The following DPRX variants were observed in gnomAD, a reference collection of about 807,000 sequenced individuals.
The protein encoded by DPRX is divergent paired-related homeobox.
Under a neutral mutation model 8.4 loss-of-function variants are expected in DPRX, and 11 were observed. The observed-to-expected ratio is 1.31, with a 90% CI of 0.82 to 2.17. DPRX has a LOEUF of 2.17. DPRX is among the 30% of genes most tolerant of loss of function. The pLI is 0.00. For missense variants in DPRX, 211 were observed against 236.7 expected, an observed-to-expected ratio of 0.89 and a Z score of 0.71; for synonymous variants, 72 against 87.0, an observed-to-expected ratio of 0.83 and a Z score of 0.96.
chr19:53,621,799 G>A, the DPRX span, among the ~76,000 whole-genome samples: 95 of 152,038 alleles, frequency 6.2e-4, 1 homozygote, highest in Middle Eastern at 3.4e-3. Context: ...AAAACAAAAG[G>A]CAATCTTTCC....
chr19:53,608,972 AAAGG>A, the DPRX span, among the ~76,000 whole-genome samples: 20,520 of 112,340 alleles, frequency 0.18, 2,051 homozygotes, highest in African/African-American at 0.22. Context: ...AAAAAAAAAA[AAAGG>A]AAAGAAAAGA....
chr19:53,633,277 G>A (rs1211541048), intron 1 of DPRX, among the ~76,000 whole-genome samples: 1 of 152,208 alleles, frequency 6.6e-6, no homozygotes, highest in Admixed American at 6.5e-5. Flanking sequence ...GCAGTACACT[G>A]TCTCAAGAAA....
chr19:53,616,971 G>T, the DPRX span: 5 of 1,197,104 alleles, frequency 4.2e-6, no homozygotes, highest in Admixed American at 6.8e-5. Context: ...CGGTTGAACC[G>T]CCAGGTGTTG....
intron 2 of DPRX, 152 bp downstream of exon 2, chr19:53,634,837 A>AC: frequency 8.7e-7 from 1 of 1,154,980 alleles, no homozygotes; most frequent in Non-Finnish European, 1.2e-6. Flanking sequence ...CCTTTCTTCA[A>AC]CCCCCTAGAG....
At chr19:53,610,927 G>A in the DPRX span, among the ~76,000 whole-genome samples, 1 of 152,098 alleles carries the variant, frequency 6.6e-6, no homozygotes, top group Admixed American at 6.6e-5. Flanking sequence ...CTTTGAGATG[G>A]AGTCTCGCTC....
intron 1 of DPRX, among the ~76,000 whole-genome samples, chr19:53,632,531 G>A (rs1012388395): frequency 4.0e-5 from 6 of 151,420 alleles, no homozygotes; most frequent in African/African-American, 9.7e-5. Context: ...GGCTGGTCTC[G>A]AACTCCTGAC....
the DPRX span, among the ~76,000 whole-genome samples, chr19:53,618,967 C>T: frequency 5.9e-5 from 9 of 151,902 alleles, no homozygotes; most frequent in African/African-American, 2.2e-4. Flanking sequence ...CAGGTGTGAG[C>T]CACCGCGCCC....
At chr19:53,614,313 C>T in the DPRX span, among the ~76,000 whole-genome samples, 1 of 152,108 alleles carries the variant, frequency 6.6e-6, no homozygotes, top group African/African-American at 2.4e-5. Context: ...TACTTGGAGG[C>T]TGAGAAGGAA....
the DPRX span, among the ~76,000 whole-genome samples, chr19:53,615,948 A>T: frequency 6.6e-6 from 1 of 150,912 alleles, no homozygotes; most frequent in African/African-American, 2.4e-5. Flanking sequence ...CAATTTTTTT[A>T]AATTAAAAAT....
At chr19:53,616,947 C>T in the DPRX span, 39 of 1,282,854 alleles carry the variant, frequency 3.0e-5, no homozygotes, top group Middle Eastern at 1.9e-4. Context: ...CCAGAGGAAT[C>T]GTTTATGATG....
the DPRX span, among the ~76,000 whole-genome samples, chr19:53,623,953 AAAAT>A: frequency 4.7e-5 from 6 of 127,374 alleles, no homozygotes; most frequent in South Asian, 2.4e-4. Flanking sequence ...TCCGTCTCAA[AAAAT>A]AAATAAATAA....
At chr19:53,616,815 G>C in the DPRX span, 1 of 1,598,080 alleles carries the variant, frequency 6.3e-7, no homozygotes, top group South Asian at 1.1e-5. Flanking sequence ...TGGAGACTTT[G>C]TACCGTGTCC....
the DPRX span, among the ~76,000 whole-genome samples, chr19:53,612,608 G>A: frequency 9.1e-4 from 138 of 152,220 alleles, 5 homozygotes; most frequent in East Asian, 0.023. Context: ...TTGGGAGGCC[G>A]GGACAGGAGA....
the DPRX span, among the ~76,000 whole-genome samples, chr19:53,605,072 G>A: frequency 2.6e-5 from 4 of 152,018 alleles, no homozygotes; most frequent in African/African-American, 9.7e-5. Flanking sequence ...TCAGCACTTA[G>A]GGAGGCCGAG....
chr19:53,608,953 CA>C, the DPRX span, among the ~76,000 whole-genome samples: 19 of 76,920 alleles, frequency 2.5e-4, no homozygotes, highest in South Asian at 1.4e-3. Context: ...GAGACTCCGT[CA>C]AAAAAAAAAA....
the DPRX span, chr19:53,601,483 C>CTTTTTTT: frequency 3.2e-6 from 1 of 308,818 alleles, no homozygotes; most frequent in South Asian, 2.5e-5. Flanking sequence ...AATGCCTATT[C>CTTTTTTT]TTTTTTTTTT....
the DPRX span, among the ~76,000 whole-genome samples, chr19:53,609,486 A>C: frequency 3.3e-3 from 489 of 149,998 alleles, 5 homozygotes; most frequent in African/African-American, 0.011. Context: ...AAAAAAAAAA[A>C]AAAAAAAAAA....
chr19:53,636,799 C>G, exon 3 of DPRX: 1 of 1,614,122 alleles, frequency 6.2e-7, no homozygotes, highest in Non-Finnish European at 8.5e-7. Flanking sequence ...TCCCCTCATT[C>G]CAGCTCATCC....
At chr19:53,626,118 G>A in the DPRX span, among the ~76,000 whole-genome samples, 4 of 148,598 alleles carry the variant, frequency 2.7e-5, no homozygotes, top group African/African-American at 9.9e-5. Flanking sequence ...TTGTATTTTT[G>A]GTACAGACGA....
Sources: allele counts gnomAD v4.1 joint callset (sites outside exome capture counted in the v4.1 genomes callset), GRCh38; gene constraint gnomAD v4.1.1; transcripts MANE v1.5; gene names NCBI Gene and HGNC (gene_info 2026-07-23, HGNC 2026-07-21).